The following SV2B variants were observed in gnomAD, a reference collection of about 807,000 sequenced individuals.
The protein encoded by SV2B is synaptic vesicle glycoprotein 2B.
In SV2B, 41 loss-of-function variants were observed where a neutral mutation model predicts 73.9. That is an observed-to-expected ratio of 0.56 (90% CI 0.43 to 0.72). SV2B has a LOEUF of 0.72. Ranked by LOEUF, SV2B falls within the 30% of genes least tolerant of loss-of-function variation. The probability of loss-of-function intolerance (pLI) is 0.00; values close to 1 mark genes in which losing one functional copy is unlikely to be tolerated. For synonymous variants in SV2B, 314 were observed against 314.2 expected (o/e 1.00, Z 0.01); for missense variants, 764 against 857.8 (o/e 0.89, Z 1.37).
chr15:91,124,614 T>C lies in SV2B; in HGVS notation c.-392+24251T>C, dbSNP rs770764188. On this transcript the variant is annotated intron_variant, in intron 1 of 12. Coordinates refer to ENST00000394232, the MANE Select transcript of SV2B (RefSeq NM_001323032.3). The surrounding 1 kb of genome is among the most constrained non-coding windows in gnomAD (Gnocchi z 4.6). ...CTGGGGCTGCTATAACAAAACACCA[T>C]GGAACGGGTGATCTAAACAACAGAA... 2.0e-5 allele frequency among the ~76,000 whole-genome samples: 3 copies of C among 152,096 alleles called. No homozygotes were observed. Among genetic ancestry groups the C allele is most frequent in the African/African-American group, 4.8e-5 (2 of 41,416 alleles).
rs2141502731 is a variant in SV2B at position 91,229,524 on chromosome 15, T to G, written c.451+2810T>G. Among the ~76,000 whole-genome samples the G allele has an allele frequency of 6.6e-6, 1 of 152,342 alleles. No individual in the cohort carries two copies. On this transcript the variant is annotated intron_variant, in intron 2 of 12. Coordinates refer to ENST00000394232, the MANE Select transcript of SV2B (RefSeq NM_001323032.3). The surrounding 1 kb of genome is among the most constrained non-coding windows in gnomAD (Gnocchi z 4.3). ...GGCCCTGGAGCCAGTTGCTTGGATT[T>G]GAATCCTTGCTGTGCCAGTTCTTAG...
chr15:91,173,744 G>A (rs938115910), intron 1 of SV2B, among the ~76,000 whole-genome samples: 4 of 152,176 alleles, frequency 2.6e-5, no homozygotes, highest in Non-Finnish European at 5.9e-5. Context: ...ATGCAGGAAA[G>A]AATAGGTGAA....
chr15:91,188,421 C>T (rs574498489), intron 1 of SV2B, among the ~76,000 whole-genome samples: 1 of 152,252 alleles, frequency 6.6e-6, no homozygotes, highest in African/African-American at 2.4e-5. Context: ...TCACGCCATT[C>T]TCCTGCCTCA....
Position 91,191,063 on chromosome 15 carries a change from C to CTTTTTTTTTTTTTT in SV2B, c.-391-34802_-391-34789dup, listed in dbSNP as rs59849012. Reference sequence around the variant, plus strand: ...TACCCTGGTGGTTTTTTTGGTGTTTCTTTTTTTTTTTTTTTTTTTTTGACA... The same window carrying CTTTTTTTTTTTTTT: ...TACCCTGGTGGTTTTTTTGGTGTTTCTTTTTTTTTTTTTTTTTTTTTTTTTTTTTTTTTTTGACA... On this transcript the variant is annotated intron_variant, in intron 1 of 12. Transcript: ENST00000394232. Among the ~76,000 whole-genome samples, 83 of 64,234 alleles carry CTTTTTTTTTTTTTT rather than the reference C, an allele frequency of 1.3e-3. 14 individuals are homozygous for CTTTTTTTTTTTTTT. Among genetic ancestry groups the CTTTTTTTTTTTTTT allele is most frequent in the East Asian group, 3.1e-3 (4 of 1,290 alleles). 42.1% of individuals were successfully genotyped at this position (64,234 alleles called of 152,430 possible). A position where few individuals can be genotyped will look rare whatever the true frequency, so the allele number is the denominator to read the frequency against.
intron 4 of SV2B, among the ~76,000 whole-genome samples, chr15:91,257,671 C>T (rs1037968946): frequency 6.6e-6 from 1 of 152,172 alleles, no homozygotes; most frequent in Non-Finnish European, 1.5e-5. Context: ...TGGCATTGCC[C>T]TTTGACGTTG....
At position 91,220,894 on chromosome 15, in the gene SV2B, C is replaced by G. The variant is rs1184924095; in HGVS notation, c.-391-4979C>G. On this transcript the variant is annotated intron_variant, in intron 1 of 12. Coordinates refer to ENST00000394232, the MANE Select transcript of SV2B (RefSeq NM_001323032.3). This position sits in a 1 kb window ranked among gnomAD's most constrained non-coding sequence, Gnocchi z 4.1. The stretch of plus-strand genomic sequence containing the variant: ...TTTTATTTTTTTGAGACAGGGGTCT[C>G]TCTCTTTCACCCAGGCTGGAGGGCA... 6.6e-6 allele frequency among the ~76,000 whole-genome samples: 1 copy of G among 152,004 alleles called. No homozygotes were observed. The highest frequency in any genetic ancestry group is 1.5e-5 in the Non-Finnish European group (1 of 68,020).
chr15:91,203,370 G>A (rs190517338), intron 1 of SV2B, among the ~76,000 whole-genome samples: 8 of 152,330 alleles, frequency 5.3e-5, no homozygotes, highest in East Asian at 1.9e-4. Context: ...GCCTGGTACC[G>A]TTGAAATGAA....
At chr15:91,248,301 A>G (rs972430472) in intron 2 of SV2B, among the ~76,000 whole-genome samples, 1 of 152,238 alleles carries the variant, frequency 6.6e-6, no homozygotes, top group Non-Finnish European at 1.5e-5. Flanking sequence ...AGCCTGGGTG[A>G]CAGAGCATCT....
intron 1 of SV2B, among the ~76,000 whole-genome samples, chr15:91,113,870 A>T (rs1316997225): frequency 6.6e-6 from 1 of 152,114 alleles, no homozygotes; most frequent in Non-Finnish European, 1.5e-5. Context: ...TCATTGAAGG[A>T]GATCATGTTT....
chr15:91,104,760 GTA>G (rs1311675278), intron 1 of SV2B, among the ~76,000 whole-genome samples: 16 of 152,348 alleles, frequency 1.1e-4, no homozygotes, highest in Middle Eastern at 3.4e-3. Flanking sequence ...AGCCTCCTGA[GTA>G]GCTGGGACTA....
At chr15:91,291,876 T>A (rs1268963221) in intron 12 of SV2B, among the ~76,000 whole-genome samples, 3 of 152,266 alleles carry the variant, frequency 2.0e-5, no homozygotes, top group African/African-American at 7.2e-5. Context: ...TGGCCAAAAC[T>A]AAGTCACATG....
chr15:91,182,751 C>T (rs1480410845), intron 1 of SV2B, among the ~76,000 whole-genome samples: 6 of 152,280 alleles, frequency 3.9e-5, no homozygotes, highest in Non-Finnish European at 5.9e-5. Flanking sequence ...GGAACCTCAT[C>T]GAAATTTTCT....
chr15:91,238,858 C>T (rs987770635), intron 2 of SV2B, among the ~76,000 whole-genome samples: 3 of 152,034 alleles, frequency 2.0e-5, no homozygotes, highest in Admixed American at 6.5e-5. Flanking sequence ...AAGAATTTCC[C>T]GCATCCCTTC....
chr15:91,198,873 G>T (rs2045358204), intron 1 of SV2B, among the ~76,000 whole-genome samples: 1 of 152,180 alleles, frequency 6.6e-6, no homozygotes, highest in Non-Finnish European at 1.5e-5. Flanking sequence ...AGCAACTCTG[G>T]GCTTCTAGGA....
rs1328958996 is a variant in SV2B at position 91,290,011 on chromosome 15, G to A, written c.1868+331G>A. Among the ~76,000 whole-genome samples, 1 of 152,094 alleles carries A rather than the reference G, an allele frequency of 6.6e-6. No individual in the cohort carries two copies. The highest frequency in any genetic ancestry group is 2.4e-5 in the African/African-American group (1 of 41,400). The stretch of plus-strand genomic sequence containing the variant: ...AGAACAGACCTTCAAGGGGAGATAA[G>A]GCAAAAAAGTGAAGAGCTGGAATAG... On this transcript the variant is annotated intron_variant, in intron 12 of 12. Coordinates refer to ENST00000394232, the MANE Select transcript of SV2B (RefSeq NM_001323032.3). The surrounding 1 kb of genome is among the most constrained non-coding windows in gnomAD (Gnocchi z 4.7).
At position 91,290,845 on chromosome 15, in the gene SV2B, C is replaced by T. The variant is rs1019874535; in HGVS notation, c.1868+1165C>T. 2.6e-5 allele frequency among the ~76,000 whole-genome samples: 4 copies of T among 151,940 alleles called. No homozygotes were observed. The highest frequency in any genetic ancestry group is 1.5e-5 in the Non-Finnish European group (1 of 67,984). On this transcript the variant is annotated intron_variant, in intron 12 of 12. Transcript: ENST00000394232. The surrounding 1 kb of genome is among the most constrained non-coding windows in gnomAD (Gnocchi z 4.7). Reference sequence around the variant, plus strand: ...GGGCAATACAGTGAGACCCCTATCTCTACAGAATATATTAGACAATTAGCC... The same window carrying T: ...GGGCAATACAGTGAGACCCCTATCTTTACAGAATATATTAGACAATTAGCC...
intron 2 of SV2B, among the ~76,000 whole-genome samples, chr15:91,249,068 T>TCTCACACACACA (rs1555490602): frequency 3.5e-5 from 5 of 142,012 alleles, no homozygotes; most frequent in African/African-American, 1.1e-4. Flanking sequence ...ATCTACGTTT[T>TCTCACACACACA]CACACACACA....
chr15:91,218,349 G>T (rs2046104613), intron 1 of SV2B, among the ~76,000 whole-genome samples: 1 of 152,116 alleles, frequency 6.6e-6, no homozygotes, highest in African/African-American at 2.4e-5. Context: ...CTGGAATGAA[G>T]ATTTTATGAC....
At chr15:91,219,236 A>ACT (rs2046137550) in intron 1 of SV2B, among the ~76,000 whole-genome samples, 1 of 152,226 alleles carries the variant, frequency 6.6e-6, no homozygotes, top group Admixed American at 6.5e-5. Flanking sequence ...GACATGAGCC[A>ACT]CTGCACCTGG....
Sources: allele counts gnomAD v4.1 joint callset (sites outside exome capture counted in the v4.1 genomes callset), GRCh38; gene constraint gnomAD v4.1.1; non-coding constraint Gnocchi (gnomAD v3.1); transcripts MANE v1.5; gene names NCBI Gene and HGNC (gene_info 2026-07-23, HGNC 2026-07-21).